ARHGEF9: variants seen among roughly 807,000 people sequenced by gnomAD.
ARHGEF9 encodes the protein Cdc42 guanine nucleotide exchange factor 9.
A neutral mutation model predicts 41.3 loss-of-function variants in ARHGEF9; 2 were observed. That is an observed-to-expected ratio of 0.05 (90% confidence interval 0.02 to 0.15). The LOEUF is 0.15. Ranked by LOEUF, ARHGEF9 falls within the 10% of genes least tolerant of loss-of-function variation. The pLI is 1.00. For missense variants in ARHGEF9, 225 were observed against 424.7 expected (o/e 0.53, Z 4.13); for synonymous variants, 160 against 154.4 (o/e 1.04, Z -0.27).
chrX:63,762,137 A>G (rs1211616635), intron 1 of ARHGEF9, among the ~76,000 whole-genome samples: 3 of 111,545 alleles, frequency 2.7e-5, no homozygotes, highest in African/African-American at 9.8e-5. Context: ...TGAGCCTCAT[A>G]ACTCATTCAG....
intron 1 of ARHGEF9, among the ~76,000 whole-genome samples, chrX:63,746,305 A>C (rs1201031201): frequency 8.9e-6 from 1 of 112,015 alleles, no homozygotes; most frequent in Non-Finnish European, 1.9e-5. Context: ...GCAAGAGAAA[A>C]ACTGGCCTGA....
intron 1 of ARHGEF9, 74 bp downstream of exon 1, chrX:63,785,042 C>A (rs1225934986): frequency 3.1e-5 from 35 of 1,127,006 alleles, no homozygotes; most frequent in Non-Finnish European, 4.0e-5. Flanking sequence ...CCTTGTGGCT[C>A]GTTGGAGGAA....
chrX:63,784,801 C>G (rs1306374477), intron 1 of ARHGEF9, among the ~76,000 whole-genome samples: 1 of 111,406 alleles, frequency 9.0e-6, no homozygotes, highest in Non-Finnish European at 1.9e-5. Context: ...TCTGCCATCC[C>G]CCTTCCCTCT....
intron 4 of ARHGEF9, among the ~76,000 whole-genome samples, chrX:63,685,655 T>C (rs1401692302): frequency 8.9e-6 from 1 of 111,777 alleles, no homozygotes; most frequent in Non-Finnish European, 1.9e-5. Context: ...TACCTAAAAA[T>C]AGATCTGCAC....
chrX:63,770,938 A>G (rs2056194672), intron 1 of ARHGEF9, among the ~76,000 whole-genome samples: 2 of 112,542 alleles, frequency 1.8e-5, no homozygotes, highest in Non-Finnish European at 3.7e-5. Flanking sequence ...GCCCAGTCTC[A>G]GGTATATCTT....
chrX:63,683,046 C>T (rs782081711), intron 4 of ARHGEF9, among the ~76,000 whole-genome samples: 7 of 109,534 alleles, frequency 6.4e-5, no homozygotes, highest in Non-Finnish European at 9.5e-5. Context: ...TAAACTAGCC[C>T]TATTTGGAGA....
At chrX:63,733,611 G>A (rs1414501329) in intron 1 of ARHGEF9, among the ~76,000 whole-genome samples, 2 of 112,530 alleles carry the variant, frequency 1.8e-5, no homozygotes, top group Admixed American at 9.4e-5. Flanking sequence ...ATGGAAGTAT[G>A]TACATATATT....
chrX:63,752,046 T>G (rs1281993371), intron 1 of ARHGEF9, among the ~76,000 whole-genome samples: 1 of 111,818 alleles, frequency 8.9e-6, no homozygotes, highest in African/African-American at 3.3e-5. Flanking sequence ...CTTATTGCTG[T>G]CCCAGTTTCC....
chrX:63,750,668 G>T (rs1168680487), intron 1 of ARHGEF9, among the ~76,000 whole-genome samples: 1 of 110,743 alleles, frequency 9.0e-6, no homozygotes, highest in Non-Finnish European at 1.9e-5. Flanking sequence ...CCCTGATGCA[G>T]CCAAAAGTTA....
In ARHGEF9 at chrX:63,775,765, A is replaced by G. The variant is rs370779907; in HGVS notation, c.30+9351T>C. Among the ~76,000 whole-genome samples, 42 of 111,200 alleles carry G rather than the reference A, an allele frequency of 3.8e-4. No individual in the cohort carries two copies. The East Asian group carries it at 5.1e-3, about 13-fold the overall frequency. On this transcript the variant is annotated intron_variant, in intron 1 of 9. Transcript: ENST00000671741. ...GGTGAAGAAATAATCTATACATCAA[A>G]CCCCATGACACACAATTTGCCCATA... is the stretch of plus-strand genomic sequence containing the variant.
At chrX:63,638,880 T>C (rs2047452605) in intron 9 of ARHGEF9, among the ~76,000 whole-genome samples, 1 of 111,968 alleles carries the variant, frequency 8.9e-6, no homozygotes, top group Non-Finnish European at 1.9e-5. Context: ...AGACGGAATA[T>C]GTGTGTGTCT....
At chrX:63,686,097 C>G (rs2050965925) in intron 4 of ARHGEF9, among the ~76,000 whole-genome samples, 1 of 111,272 alleles carries the variant, frequency 9.0e-6, no homozygotes, top group Admixed American at 9.5e-5. Flanking sequence ...TTCATAATAG[C>G]AAAGATAAGG....
At chrX:63,654,431 A>G (rs1296529836) in intron 8 of ARHGEF9, among the ~76,000 whole-genome samples, 1 of 111,541 alleles carries the variant, frequency 9.0e-6, no homozygotes, top group African/African-American at 3.3e-5. Flanking sequence ...CAACATTTAT[A>G]TGCCACTCCA....
At chrX:63,747,811 T>C (rs782246848) in intron 1 of ARHGEF9, among the ~76,000 whole-genome samples, 1 of 112,607 alleles carries the variant, frequency 8.9e-6, no homozygotes, top group Non-Finnish European at 1.9e-5. Flanking sequence ...TATTCTGTTT[T>C]AAAGCTAAAT....
At chrX:63,728,430 G>C (rs188505471) in intron 1 of ARHGEF9, among the ~76,000 whole-genome samples, 6 of 111,821 alleles carry the variant, frequency 5.4e-5, no homozygotes, top group Admixed American at 9.5e-5. Context: ...CCAGCAGGAC[G>C]CAAAGGTGGT....
intron 8 of ARHGEF9, among the ~76,000 whole-genome samples, chrX:63,650,266 T>C (rs1457631695): frequency 9.0e-6 from 1 of 111,377 alleles, no homozygotes; most frequent in African/African-American, 3.3e-5. Flanking sequence ...AACCAAAATA[T>C]GAAATCAACC....
intron 3 of ARHGEF9, among the ~76,000 whole-genome samples, chrX:63,700,878 G>A (rs2052112066): frequency 9.0e-6 from 1 of 111,482 alleles, no homozygotes; most frequent in Admixed American, 9.5e-5. Flanking sequence ...GGGTACTATG[G>A]CTCAAGGGAG....
chrX:63,656,220 G>C (rs781861259), intron 7 of ARHGEF9, among the ~76,000 whole-genome samples: 2 of 111,131 alleles, frequency 1.8e-5, no homozygotes, highest in African/African-American at 3.3e-5. Context: ...GATTACCTAG[G>C]GGGGGTCTAA....
chrX:63,747,718 C>A (rs2055358074), intron 1 of ARHGEF9, among the ~76,000 whole-genome samples: 1 of 112,536 alleles, frequency 8.9e-6, no homozygotes, highest in South Asian at 3.6e-4. Context: ...GTGCTGAGAA[C>A]CACTGGGTTA....
Sources: gnomAD v4.1 joint callset for allele counts (sites outside exome capture counted in the v4.1 genomes callset) on GRCh38, gnomAD v4.1.1 for gene constraint, MANE v1.5 for transcripts, NCBI Gene and HGNC (gene_info 2026-07-23, HGNC 2026-07-21) for gene names.